The following MTHFD2L variants were observed in gnomAD, a reference collection of about 807,000 sequenced individuals.
MTHFD2L encodes methylenetetrahydrofolate dehydrogenase (NADP+ dependent) 2 like.
Under a neutral mutation model 34.9 loss-of-function variants are expected in MTHFD2L, and 29 were observed. That is an observed-to-expected ratio of 0.83 (90% confidence interval 0.62 to 1.13). The LOEUF (loss-of-function observed/expected upper bound fraction) is 1.13. MTHFD2L is among the 50% of genes most tolerant of loss of function. The pLI is 0.00. For missense variants in MTHFD2L, 481 were observed against 446.5 expected (o/e 1.08, Z -0.70); for synonymous variants, 167 against 155.7 (o/e 1.07, Z -0.54).
chr4:74,255,136 CAAAAAAAAAAAAAAA>C (rs34300013), intron 6 of MTHFD2L, among the ~76,000 whole-genome samples: 2 of 69,184 alleles, frequency 2.9e-5, no homozygotes, highest in African/African-American at 6.3e-5. Flanking sequence ...ACTCCATCTC[CAAAAAAAAAAAAAAA>C]AAAAAAAAAA....
At chr4:74,273,379 G>A (rs1746238115) in intron 6 of MTHFD2L, among the ~76,000 whole-genome samples, 1 of 152,110 alleles carries the variant, frequency 6.6e-6, no homozygotes, top group Non-Finnish European at 1.5e-5. Context: ...TTAAGTTTGT[G>A]TTGAAGTTTG....
chr4:74,253,287 T>A (rs1743564188), intron 6 of MTHFD2L, among the ~76,000 whole-genome samples: 1 of 152,104 alleles, frequency 6.6e-6, no homozygotes, highest in Admixed American at 6.6e-5. Context: ...AAAATAACAT[T>A]AATAATTATA....
At chr4:74,175,517 T>A in intron 3 of MTHFD2L, 114 bp downstream of exon 3, 1 of 1,162,590 alleles carries the variant, frequency 8.6e-7, no homozygotes, top group Non-Finnish European at 1.2e-6. Flanking sequence ...AGAAGGAGAC[T>A]AGCTATTTTA....
chr4:74,248,846 C>A (rs1274200809), intron 6 of MTHFD2L, among the ~76,000 whole-genome samples: 4 of 151,618 alleles, frequency 2.6e-5, no homozygotes, highest in African/African-American at 9.7e-5. Context: ...GTCTGAGAGA[C>A]AGTTTGTTAT....
At chr4:74,158,087 A>G (rs1489273198), upstream of MTHFD2L, 3 of 1,532,120 alleles carry the variant, frequency 2.0e-6, no homozygotes, top group Non-Finnish European at 2.6e-6. Context: ...AGCCGCGAGG[A>G]CTGGAGTCGC....
At chr4:74,257,024 G>A (rs1203765843) in intron 6 of MTHFD2L, among the ~76,000 whole-genome samples, 2 of 152,106 alleles carry the variant, frequency 1.3e-5, no homozygotes, top group African/African-American at 4.8e-5. Flanking sequence ...CATAGGAATA[G>A]CAATGAATCT....
chr4:74,155,842 T>C (rs1053291614), upstream of MTHFD2L, among the ~76,000 whole-genome samples: 2 of 152,072 alleles, frequency 1.3e-5, no homozygotes, highest in South Asian at 4.1e-4. Flanking sequence ...CATATTTCTT[T>C]TTGAAATACT....
At chr4:74,260,414 G>T (rs554484342) in intron 6 of MTHFD2L, among the ~76,000 whole-genome samples, 2 of 152,094 alleles carry the variant, frequency 1.3e-5, no homozygotes. Context: ...AGCTCTTCCT[G>T]TCTGTCTAGT....
At chr4:74,238,682 T>C (rs1475894675) in intron 6 of MTHFD2L, among the ~76,000 whole-genome samples, 1 of 152,146 alleles carries the variant, frequency 6.6e-6, no homozygotes, top group African/African-American at 2.4e-5. Flanking sequence ...GCAAAGGATA[T>C]GAACAGACAG....
chr4:74,118,875 G>A (rs1401465095), upstream of MTHFD2L, among the ~76,000 whole-genome samples: 1 of 152,164 alleles, frequency 6.6e-6, no homozygotes, highest in African/African-American at 2.4e-5. Context: ...TCATAGGAGT[G>A]CACACCCTAT....
chr4:74,302,515 A>G lies in MTHFD2L; in HGVS notation c.*706A>G, dbSNP rs995897809. ...ATCACATTGTGAATGACTACTTGCC[A>G]CAGTAAAAATACATGAAGAATGTGT... On this transcript the variant is annotated 3_prime_UTR_variant, in exon 8 of 8. Coordinates refer to ENST00000325278, the MANE Select transcript of MTHFD2L (RefSeq NM_001144978.3). The G allele has an allele frequency of 1.3e-5, 2 of 152,172 alleles. No individual in the cohort carries two copies. Among genetic ancestry groups the G allele is most frequent in the African/African-American group, 4.8e-5 (2 of 41,460 alleles). 9.4% of individuals were successfully genotyped at this position (152,172 alleles called of 1,614,324 possible). A position where few individuals can be genotyped will look rare whatever the true frequency, so the allele number is the denominator to read the frequency against.
chr4:74,275,194 G>A (rs1746458057), intron 6 of MTHFD2L, among the ~76,000 whole-genome samples: 1 of 152,104 alleles, frequency 6.6e-6, no homozygotes, highest in Non-Finnish European at 1.5e-5. Flanking sequence ...AGAACATGCG[G>A]TGTTTGGTTT....
chr4:74,231,126 G>C (rs1560512180), intron 6 of MTHFD2L, among the ~76,000 whole-genome samples: 1 of 152,032 alleles, frequency 6.6e-6, no homozygotes, highest in Non-Finnish European at 1.5e-5. Flanking sequence ...CAGATACCAT[G>C]ATATAAAACA....
At chr4:74,147,986 C>T (rs1178165683) in intron 1 of MTHFD2L, among the ~76,000 whole-genome samples, 6 of 151,880 alleles carry the variant, frequency 4.0e-5, no homozygotes, top group Non-Finnish European at 7.4e-5. Context: ...TGATTATGTC[C>T]TCTGCTGCAC....
At chr4:74,118,939 G>T (rs1312195833), upstream of MTHFD2L, among the ~76,000 whole-genome samples, 2 of 152,206 alleles carry the variant, frequency 1.3e-5, no homozygotes, top group Non-Finnish European at 2.9e-5. Flanking sequence ...AAAGTCTAAT[G>T]CCTGATGATC....
chr4:74,289,180 A>G (rs1219748475), intron 7 of MTHFD2L, among the ~76,000 whole-genome samples: 1 of 152,224 alleles, frequency 6.6e-6, no homozygotes, highest in African/African-American at 2.4e-5. Context: ...ATAACAAGGC[A>G]GTGTCTTAGT....
At chr4:74,197,575 TA>T (rs1340552144) in intron 3 of MTHFD2L, among the ~76,000 whole-genome samples, 2 of 152,080 alleles carry the variant, frequency 1.3e-5, no homozygotes, top group African/African-American at 4.8e-5. Context: ...TAATGGTATT[TA>T]AAATGATTAA....
intron 6 of MTHFD2L, among the ~76,000 whole-genome samples, chr4:74,273,525 G>A (rs1328880531): frequency 1.3e-5 from 2 of 152,090 alleles, no homozygotes; most frequent in Non-Finnish European, 2.9e-5. Context: ...ATCATTGGAC[G>A]TTTGAAATTT....
At chr4:74,288,424 G>A (rs1202605010) in intron 7 of MTHFD2L, 2 of 152,146 alleles carry the variant, frequency 1.3e-5, no homozygotes, top group Non-Finnish European at 2.9e-5. Flanking sequence ...GGAGTACAAG[G>A]GATGTGGAAT....
Sources: gnomAD v4.1 joint callset for allele counts (sites outside exome capture counted in the v4.1 genomes callset) on GRCh38, gnomAD v4.1.1 for gene constraint, MANE v1.5 for transcripts, NCBI Gene and HGNC (gene_info 2026-07-23, HGNC 2026-07-21) for gene names.